The following NDST3 variants were observed in gnomAD, a reference collection of about 807,000 sequenced individuals.
NDST3 encodes bifunctional heparan sulfate N-deacetylase/N-sulfotransferase 3.
In NDST3, 58 loss-of-function variants were observed where a neutral mutation model predicts 96.1. The observed-to-expected ratio is 0.60, with a 90% confidence interval of 0.49 to 0.75. NDST3 has a LOEUF of 0.75. Among genes scored for constraint, NDST3 ranks in the 30% least tolerant of loss-of-function variants. The pLI is 0.00. For missense variants in NDST3, 788 were observed against 1,034.2 expected, an observed-to-expected ratio of 0.76 and a Z score of 3.27; for synonymous variants, 333 against 359.7, an observed-to-expected ratio of 0.93 and a Z score of 0.84.
chr4:118,048,298 A>T (rs926231192), intron 1 of NDST3, among the ~76,000 whole-genome samples: 13 of 152,268 alleles, frequency 8.5e-5, no homozygotes, highest in Admixed American at 8.5e-4. Context: ...GCCTGCAGGC[A>T]CTATAATCCA....
chr4:118,099,816 ATTTCAATGTT>A (rs546968918), intron 2 of NDST3, among the ~76,000 whole-genome samples: 20 of 152,092 alleles, frequency 1.3e-4, no homozygotes, highest in African/African-American at 4.8e-4. Context: ...TTTTCAGCAT[ATTTCAATGTT>A]TTTCTTGTCT....
chr4:118,059,023 T>C (rs754628094), intron 2 of NDST3, among the ~76,000 whole-genome samples: 2 of 152,132 alleles, frequency 1.3e-5, no homozygotes, highest in African/African-American at 4.8e-5. Flanking sequence ...CTCCTTGCAG[T>C]TGAATACTCT....
At chr4:118,184,094 TC>T (rs1263164176) in intron 6 of NDST3, among the ~76,000 whole-genome samples, 2 of 152,172 alleles carry the variant, frequency 1.3e-5, no homozygotes, top group Non-Finnish European at 2.9e-5. Flanking sequence ...CAAAATAATG[TC>T]AAAAAACTAG....
intron 2 of NDST3, among the ~76,000 whole-genome samples, chr4:118,072,073 G>A (rs1415981404): frequency 1.3e-5 from 2 of 152,016 alleles, no homozygotes; most frequent in Non-Finnish European, 2.9e-5. Context: ...GCTCTAACCT[G>A]TTCCATTGGT....
intron 13 of NDST3, among the ~76,000 whole-genome samples, chr4:118,253,810 A>T (rs1741927065): frequency 6.6e-6 from 1 of 152,244 alleles, no homozygotes; most frequent in South Asian, 2.1e-4. Flanking sequence ...AAACAATAGA[A>T]TTCAACATTC....
At chr4:118,205,989 C>G (rs1013048311) in intron 6 of NDST3, among the ~76,000 whole-genome samples, 7 of 143,082 alleles carry the variant, frequency 4.9e-5, no homozygotes, top group Non-Finnish European at 1.1e-4. Context: ...CCCGCCACCA[C>G]GCCCAGCTAA....
chr4:118,132,381 C>T (rs777799090), intron 4 of NDST3, among the ~76,000 whole-genome samples: 17 of 152,096 alleles, frequency 1.1e-4, no homozygotes, highest in East Asian at 3.9e-4. Context: ...GTCAGGCCAC[C>T]GGCAATTTTC....
At chr4:118,035,439 GTT>G (rs34646125) in intron 1 of NDST3, among the ~76,000 whole-genome samples, 29 of 137,838 alleles carry the variant, frequency 2.1e-4, no homozygotes, top group East Asian at 4.2e-4. Context: ...CTTTTTTTTT[GTT>G]TTTTTTTTTT....
chr4:118,256,675 C>T lies in NDST3; in HGVS notation c.*963C>T, dbSNP rs1450028226. The T allele has an allele frequency of 2.0e-5, 3 of 152,140 alleles. No homozygotes were observed. The highest frequency in any genetic ancestry group is 7.2e-5 in the African/African-American group (3 of 41,436). The allele number at this position is 152,140 out of a possible 1,614,324, so 9.4% of individuals were successfully genotyped here. ...CAGGTTGACTTTTAAATGTGAATAGCTATTTTTAATGCTCCCCAAAACAAA... is the reference window on the plus strand; with the variant it reads ...CAGGTTGACTTTTAAATGTGAATAGTTATTTTTAATGCTCCCCAAAACAAA... On this transcript the variant is annotated 3_prime_UTR_variant, in exon 14 of 14. Transcript: ENST00000296499.
intron 6 of NDST3, among the ~76,000 whole-genome samples, 169 bp from the exon 7 acceptor site, chr4:118,224,322 G>A (rs536958516): frequency 9.9e-5 from 15 of 152,192 alleles, no homozygotes; most frequent in Non-Finnish European, 2.1e-4. Context: ...CCTCCAGTAT[G>A]TATTAATATA....
In NDST3 at chr4:118,253,510, A is replaced by G. The variant is rs1425415899; in HGVS notation, c.2411A>G (p.His804Arg). The G allele has an allele frequency of 6.2e-7, 1 of 1,605,514 alleles. No homozygotes were observed. The highest frequency in any genetic ancestry group is 8.5e-7 in the Non-Finnish European group (1 of 1,175,972). Residue 804 changes from histidine (H) to arginine (R), a missense_variant, in exon 13 of 14, where the codon CAT (histidine) becomes CGT (arginine). By Grantham distance (29) the His-to-Arg change is conservative. Around this residue, in one of 3 missense-constraint regions of NDST3, gnomAD observed 490 missense variants for 708.8 expected, o/e 0.69. Transcript: ENST00000296499. ...CTTTTTTTTTTTAGGTTTGATTCTC[A>G]TAAAGGTTTCTGGTGTCAGTTACTG... ...NYSEALTFDS[H>R]KGFWCQLLEE...
rs187786497 is a variant in NDST3 at position 118,070,764 on chromosome 4, A to G, written c.981+15873A>G. On this transcript the variant is annotated intron_variant, in intron 2 of 13. Transcript: ENST00000296499. ...CTGCACCCATTAACTTGTCATTTAC[A>G]TTAGGTATATCTCCTAATGCTATCC... is the stretch of plus-strand genomic sequence containing the variant. Among the ~76,000 whole-genome samples the G allele has an allele frequency of 4.4e-3, 665 of 151,754 alleles. 5 individuals are homozygous for G. Among genetic ancestry groups the G allele is most frequent in the African/African-American group, 0.015 (628 of 41,334 alleles).
At chr4:118,121,754 CTT>C (rs1489631133) in intron 4 of NDST3, among the ~76,000 whole-genome samples, 1 of 152,160 alleles carries the variant, frequency 6.6e-6, no homozygotes, top group Non-Finnish European at 1.5e-5. Flanking sequence ...GTGTGTATCT[CTT>C]TAAACTTTTT....
intron 1 of NDST3, among the ~76,000 whole-genome samples, chr4:118,048,679 C>G (rs1724904780): frequency 6.6e-6 from 1 of 152,098 alleles, no homozygotes; most frequent in African/African-American, 2.4e-5. Flanking sequence ...CAAGACTTAA[C>G]TATCCTAAAT....
At chr4:118,091,028 C>A (rs1215304460) in intron 2 of NDST3, among the ~76,000 whole-genome samples, 2 of 151,306 alleles carry the variant, frequency 1.3e-5, no homozygotes, top group Non-Finnish European at 3.0e-5. Context: ...TGCCACTGCC[C>A]TCCAGCCTAG....
rs753261814 is a variant in NDST3 at position 118,237,086 on chromosome 4, G to A, written c.1984G>A (p.Asp662Asn). The A allele has an allele frequency of 8.1e-6, 13 of 1,611,392 alleles. No homozygotes were observed. The highest frequency in any genetic ancestry group is 3.4e-5 in the Admixed American group (2 of 59,682). ...FFPVPSNVTT[D>N]FLFEKSANYF... ...CCCAGTCCCATCTAATGTCACTACC[G>A]ACTTTTTGTTTGAGAAGAGTGCCAA... The change falls in exon 10 of 14, where the codon GAC (aspartate) becomes AAC (asparagine). Residue 662 changes from aspartate to asparagine, a missense_variant. Coordinates refer to ENST00000296499, the MANE Select transcript of NDST3 (RefSeq NM_004784.3).
chr4:118,139,530 C>A (rs778191607), intron 5 of NDST3, among the ~76,000 whole-genome samples: 4 of 152,070 alleles, frequency 2.6e-5, no homozygotes, highest in Non-Finnish European at 5.9e-5. Flanking sequence ...TAGGAGCCAT[C>A]CAAATAGAGA....
chr4:118,081,713 GCTA>G (rs1331661626), intron 2 of NDST3, among the ~76,000 whole-genome samples: 1 of 152,082 alleles, frequency 6.6e-6, no homozygotes, highest in Non-Finnish European at 1.5e-5. Context: ...TCCCCATTAT[GCTA>G]CTGTCTCTTT....
rs981518288 is a variant in NDST3 at position 118,154,984 on chromosome 4, G to C, written c.1539+11300G>C. Reference sequence around the variant, plus strand: ...AAAAATAGTGCTTTTGAGAAAAGCTGTAATAAGCACTTGCAGTTAAGGAAA... The same window carrying C: ...AAAAATAGTGCTTTTGAGAAAAGCTCTAATAAGCACTTGCAGTTAAGGAAA... On this transcript the variant is annotated intron_variant, in intron 6 of 13. Coordinates refer to ENST00000296499, the MANE Select transcript of NDST3 (RefSeq NM_004784.3). Among the ~76,000 whole-genome samples, 4 of 152,180 alleles carry C rather than the reference G, an allele frequency of 2.6e-5. No homozygotes were observed. In the East Asian group the frequency reaches 5.8e-4, roughly 22 times the overall value.
Sources: allele counts gnomAD v4.1 joint callset (sites outside exome capture counted in the v4.1 genomes callset), GRCh38; gene constraint gnomAD v4.1.1; regional missense constraint gnomAD v4.1.1; transcripts MANE v1.5; gene names NCBI Gene and HGNC (gene_info 2026-07-23, HGNC 2026-07-21).